The following FAM161B variants were observed in gnomAD, a reference collection of about 807,000 sequenced individuals.
FAM161B encodes the protein protein FAM161B.
In FAM161B, 46 loss-of-function variants were observed where a neutral mutation model predicts 61.5. The ratio of observed to expected loss-of-function variants is 0.75; its 90% CI spans 0.59 to 0.96. The LOEUF is 0.96. Ranked by LOEUF, FAM161B falls within the 40% of genes least tolerant of loss-of-function variation. The probability of loss-of-function intolerance (pLI) is 0.00; values close to 1 mark genes in which losing one functional copy is unlikely to be tolerated. For missense variants in FAM161B, 774 were observed against 800.7 expected, an observed-to-expected ratio of 0.97 and a Z score of 0.40; for synonymous variants, 284 against 302.7, an observed-to-expected ratio of 0.94 and a Z score of 0.64.
Position 73,944,881 on chromosome 14 carries a change from C to T in FAM161B, c.379G>A (p.Gly127Ser). The T allele has an allele frequency of 6.6e-7, 1 of 1,510,480 alleles. No individual in the cohort carries two copies. The highest frequency in any genetic ancestry group is 2.3e-5 in the East Asian group (1 of 43,876). The allele number at this position is 1,510,480 out of a possible 1,614,324, so 93.6% of individuals were successfully genotyped here. The change falls in exon 3 of 9, where the codon GGC becomes AGC. Residue 127 changes from glycine (G) to serine (S), a missense_variant. By Grantham distance (56) the Gly-to-Ser change is moderately conservative (BLOSUM62 0). Coordinates refer to ENST00000286544, the MANE Select transcript of FAM161B (RefSeq NM_152445.3). Reference sequence around the variant, plus strand: ...AGGGAGCTGCAGCGCCTTGTGGAGCCACACCTGGGAAAAAAGCAGATCTGT... The same window carrying T: ...AGGGAGCTGCAGCGCCTTGTGGAGCTACACCTGGGAAAAAAGCAGATCTGT... ...QVQCPQALRC[G>S]STRRCSSLNN...
intron 8 of FAM161B, among the ~76,000 whole-genome samples, chr14:73,935,606 GAA>G (rs2055965510): frequency 6.6e-6 from 1 of 151,612 alleles, no homozygotes; most frequent in Admixed American, 6.6e-5. Flanking sequence ...AGGAATGCTA[GAA>G]AAACAGTTTT....
chr14:73,939,431 C>G (rs1232407111), intron 5 of FAM161B, among the ~76,000 whole-genome samples: 1 of 152,224 alleles, frequency 6.6e-6, no homozygotes, highest in African/African-American at 2.4e-5. Flanking sequence ...TTACATTTCA[C>G]ATTGTCCTCA....
At chr14:73,932,123 G>T (rs896963902), downstream of FAM161B, 45 of 421,930 alleles carry the variant, frequency 1.1e-4, no homozygotes, top group South Asian at 3.0e-4. Context: ...GTACTATCTT[G>T]TCCTATACAC....
rs2056028195 is a variant in FAM161B at position 73,942,503 on chromosome 14, T to A, written c.1138A>T (p.Lys380Ter). 4 of 1,614,180 alleles carry A rather than the reference T, an allele frequency of 2.5e-6. No individual in the cohort carries two copies. The East Asian group carries it at 8.9e-5, about 36-fold the overall frequency. Residue 380 changes from lysine to a stop codon, truncating the protein, a stop_gained, in exon 4 of 9, where the codon AAG becomes TAG. Transcript: ENST00000286544. LOFTEE classifies it high-confidence loss of function. ...TTGGCTGCTCTTCTCTGGAAGGCCT[T>A]GTAAAGGCCCTCATAGTCAGGGACC... Reference protein sequence around the residue: ...PVVPDYEGLYKAFQRRAAKRR... With the variant: ...PVVPDYEGLY
chr14:73,936,455 T>C (rs1210216613), intron 7 of FAM161B, among the ~76,000 whole-genome samples: 1 of 152,104 alleles, frequency 6.6e-6, no homozygotes, highest in African/African-American at 2.4e-5. Flanking sequence ...AAACCTAAGA[T>C]TTTAAAGCAA....
rs2056123601 is a variant in FAM161B at position 73,950,018 on chromosome 14, C to G, written c.9G>C (p.Val3=). The change falls in exon 1 of 9, where the codon GTG becomes GTC. Residue 3 remains valine, a synonymous_variant. Transcript: ENST00000286544. MT[V]GRPEGAPGGA... ...CTCCGGGGGCTCCCTCAGGCCTCCC[C>G]ACGGTCATTTCAGCTGGACAGAGGC... is the stretch of plus-strand genomic sequence containing the variant. 2 of 1,612,790 alleles carry G rather than the reference C, an allele frequency of 1.2e-6. No homozygotes were observed. Among genetic ancestry groups the G allele is most frequent in the Admixed American group, 1.7e-5 (1 of 60,006 alleles).
At chr14:73,943,394 C>A (rs2056035684) in intron 3 of FAM161B, among the ~76,000 whole-genome samples, 1 of 152,168 alleles carries the variant, frequency 6.6e-6, no homozygotes, top group Non-Finnish European at 1.5e-5. Flanking sequence ...TGATCATGGG[C>A]CACCCTGCCT....
At chr14:73,935,296 G>C (rs2055961871) in intron 8 of FAM161B, among the ~76,000 whole-genome samples, 1 of 152,088 alleles carries the variant, frequency 6.6e-6, no homozygotes, top group African/African-American at 2.4e-5. Flanking sequence ...GGGAGGCTGA[G>C]GAGGGTAGAT....
In FAM161B at chr14:73,946,347, C is replaced by T. The variant is rs1433157097; in HGVS notation, c.313G>A (p.Glu105Lys). 2 of 1,614,166 alleles carry T rather than the reference C, an allele frequency of 1.2e-6. No homozygotes were observed. Among genetic ancestry groups the T allele is most frequent in the African/African-American group, 1.3e-5 (1 of 75,044 alleles). The change falls in exon 2 of 9, where the codon GAG becomes AAG. Residue 105 changes from glutamate (E) to lysine (K), a missense_variant. Coordinates refer to ENST00000286544, the MANE Select transcript of FAM161B (RefSeq NM_152445.3). The part of the protein sequence containing the change: ...ENLSEDEEDL[E>K]SFFQDKDRGM... ...CTGTCCTTGTCTTGGAAGAAACTCT[C>T]CAGGTCCTCCTCATCTTCAGAGAGG...
intron 7 of FAM161B, among the ~76,000 whole-genome samples, chr14:73,936,797 C>T (rs573898827): frequency 3.8e-4 from 58 of 152,268 alleles, no homozygotes; most frequent in South Asian, 8.3e-4. Context: ...AATGCCTAGA[C>T]AATGTACTAA....
downstream of FAM161B, among the ~76,000 whole-genome samples, chr14:73,930,326 T>TA (rs1051285342): frequency 1.3e-5 from 2 of 152,082 alleles, no homozygotes; most frequent in Admixed American, 6.5e-5. Context: ...ATTAAACTCT[T>TA]AAAAAAAAGT....
chr14:73,941,296 A>G (rs2056016656), intron 4 of FAM161B, among the ~76,000 whole-genome samples: 1 of 151,688 alleles, frequency 6.6e-6, no homozygotes, highest in Admixed American at 6.6e-5. Context: ...ACATTTTTGC[A>G]GTTTTAGTAC....
chr14:73,924,221 C>T, the FAM161B span, among the ~76,000 whole-genome samples: 1 of 152,104 alleles, frequency 6.6e-6, no homozygotes, highest in African/African-American at 2.4e-5. Flanking sequence ...ATAAGGAGTG[C>T]GCAACCTAGA....
At chr14:73,945,989 G>A (rs2056062900) in intron 2 of FAM161B, among the ~76,000 whole-genome samples, 1 of 152,102 alleles carries the variant, frequency 6.6e-6, no homozygotes, top group African/African-American at 2.4e-5. Context: ...TGATCCGCCT[G>A]CCTCAGCCTC....
chr14:73,944,610 C>T lies in FAM161B; in HGVS notation c.650G>A (p.Arg217Gln), dbSNP rs368121654. Residue 217 changes from arginine to glutamine, a missense_variant, in exon 3 of 9, where the codon CGG becomes CAG. Arg to Gln is a conservative substitution (Grantham distance 43, BLOSUM62 1). Transcript: ENST00000286544. ...EEEAECHRQF[R>Q]AQPVPAHVYL... is the part of the protein sequence containing the mutation. ...GACATGTGCAGGCACAGGCTGTGCC[C>T]GGAACTGCCTGTGGCACTCGGCCTC... The T allele has an allele frequency of 3.0e-5, 48 of 1,613,880 alleles. No homozygotes were observed. Among genetic ancestry groups the T allele is most frequent in the Non-Finnish European group, 3.9e-5 (46 of 1,180,020 alleles).
the FAM161B span, among the ~76,000 whole-genome samples, chr14:73,926,113 G>A: frequency 6.6e-6 from 1 of 152,094 alleles, no homozygotes; most frequent in Admixed American, 6.6e-5. Flanking sequence ...TGTTTATGAT[G>A]GAGTATTTCA....
intron 8 of FAM161B, among the ~76,000 whole-genome samples, chr14:73,935,743 CAT>C (rs1471768200): frequency 2.0e-5 from 3 of 152,242 alleles, no homozygotes; most frequent in Admixed American, 6.5e-5. Context: ...GAAAACGAAA[CAT>C]AATTTGTCAG....
At chr14:73,923,831 A>G in the FAM161B span, among the ~76,000 whole-genome samples, 1 of 152,208 alleles carries the variant, frequency 6.6e-6, no homozygotes, top group Non-Finnish European at 1.5e-5. Flanking sequence ...ATAAAAGCAC[A>G]CAGCAGGCAC....
chr14:73,941,116 T>A, intron 4 of FAM161B, 63 bp from the exon 5 acceptor site: 1 of 1,476,288 alleles, frequency 6.8e-7, no homozygotes, highest in Non-Finnish European at 9.0e-7. Context: ...ATCTTTTTTT[T>A]TTTTTTTTTT....
Sources: gnomAD v4.1 joint callset for allele counts (sites outside exome capture counted in the v4.1 genomes callset) on GRCh38, gnomAD v4.1.1 for gene constraint, MANE v1.5 for transcripts, NCBI Gene and HGNC (gene_info 2026-07-23, HGNC 2026-07-21) for gene names.